ZMAT4: variants seen among roughly 807,000 people sequenced by gnomAD.
ZMAT4 encodes zinc finger matrin-type protein 4.
A neutral mutation model predicts 28.7 loss-of-function variants in ZMAT4; 17 were observed. The ratio of observed to expected loss-of-function variants is 0.59; its 90% CI spans 0.41 to 0.89. The LOEUF is 0.89. Among genes scored for constraint, ZMAT4 ranks in the 40% least tolerant of loss-of-function variants. The pLI is 0.00. For synonymous variants in ZMAT4, 117 were observed against 109.2 expected (o/e 1.07, Z -0.44); for missense variants, 240 against 283.8 (o/e 0.85, Z 1.11).
At chr8:40,685,575 A>G (rs1809365595) in intron 4 of ZMAT4, among the ~76,000 whole-genome samples, 1 of 152,120 alleles carries the variant, frequency 6.6e-6, no homozygotes, top group Non-Finnish European at 1.5e-5. Context: ...AAGGGAGCAC[A>G]TGAGACAAAA....
intron 2 of ZMAT4, chr8:40,808,420 A>G: frequency 2.8e-6 from 1 of 356,442 alleles, no homozygotes; most frequent in Non-Finnish European, 5.5e-6. Flanking sequence ...TTGGCTTTTT[A>G]TTACAGGATA....
intron 3 of ZMAT4, among the ~76,000 whole-genome samples, chr8:40,747,305 A>G (rs945096856): frequency 6.6e-6 from 1 of 152,198 alleles, no homozygotes; most frequent in Non-Finnish European, 1.5e-5. Flanking sequence ...GAAATAATGC[A>G]GGGAAGTTAC....
chr8:40,642,741 G>A (rs1447553857), intron 5 of ZMAT4, among the ~76,000 whole-genome samples: 3 of 152,340 alleles, frequency 2.0e-5, no homozygotes, highest in Non-Finnish European at 4.4e-5. Flanking sequence ...TGGAGGGAAT[G>A]TGTACAATAT....
intron 2 of ZMAT4, among the ~76,000 whole-genome samples, chr8:40,798,408 C>T (rs543870361): frequency 3.0e-4 from 46 of 152,194 alleles, no homozygotes; most frequent in Non-Finnish European, 6.2e-4. Flanking sequence ...CCACAGCAGG[C>T]AGGACATCTT....
intron 5 of ZMAT4, among the ~76,000 whole-genome samples, chr8:40,612,955 G>A (rs1285762711): frequency 4.0e-5 from 6 of 151,898 alleles, no homozygotes; most frequent in Admixed American, 3.9e-4. Flanking sequence ...TGGGATTACA[G>A]GTGCCCGCCA....
At chr8:40,706,244 C>T (rs1046481685) in intron 3 of ZMAT4, among the ~76,000 whole-genome samples, 22 of 152,008 alleles carry the variant, frequency 1.4e-4, no homozygotes, top group African/African-American at 5.1e-4. Context: ...TTAGTAGAGA[C>T]GGGGTTTCAC....
At chr8:40,766,669 G>T (rs1416088512) in intron 3 of ZMAT4, among the ~76,000 whole-genome samples, 1 of 152,188 alleles carries the variant, frequency 6.6e-6, no homozygotes, top group South Asian at 2.1e-4. Flanking sequence ...ACACCAAGAG[G>T]CATGCTTAGA....
intron 3 of ZMAT4, among the ~76,000 whole-genome samples, chr8:40,722,628 T>C (rs1430819663): frequency 6.6e-6 from 1 of 152,198 alleles, no homozygotes; most frequent in Non-Finnish European, 1.5e-5. Context: ...CTGCTCTTTT[T>C]TCTTTGATGC....
intron 4 of ZMAT4, among the ~76,000 whole-genome samples, chr8:40,677,888 A>T (rs1808978197): frequency 6.6e-6 from 1 of 152,204 alleles, no homozygotes; most frequent in South Asian, 2.1e-4. Flanking sequence ...TGCCCTTTAT[A>T]TAGATTCAAC....
intron 2 of ZMAT4, among the ~76,000 whole-genome samples, chr8:40,778,270 A>C (rs1221471219): frequency 6.6e-6 from 1 of 152,228 alleles, no homozygotes; most frequent in Non-Finnish European, 1.5e-5. Flanking sequence ...TATCCACATT[A>C]TTTTCAAAAA....
intron 5 of ZMAT4, among the ~76,000 whole-genome samples, chr8:40,602,041 A>G (rs376775562): frequency 3.3e-5 from 5 of 152,108 alleles, no homozygotes; most frequent in African/African-American, 1.2e-4. Context: ...TGAGTCTCCA[A>G]AGTACATTGT....
chr8:40,628,551 G>T (rs1806458708), intron 5 of ZMAT4, among the ~76,000 whole-genome samples: 1 of 152,144 alleles, frequency 6.6e-6, no homozygotes, highest in South Asian at 2.1e-4. Flanking sequence ...AAGACCACAT[G>T]GAGAATGGCT....
chr8:40,787,138 C>T (rs1439500312), intron 2 of ZMAT4, among the ~76,000 whole-genome samples: 2 of 152,102 alleles, frequency 1.3e-5, no homozygotes, highest in Non-Finnish European at 2.9e-5. Context: ...CTTTGAAATG[C>T]CATCCCAAAT....
intron 1 of ZMAT4, chr8:40,888,539 T>A (rs1361753514): frequency 6.6e-6 from 1 of 152,264 alleles, no homozygotes; most frequent in African/African-American, 2.4e-5. Context: ...CTGTGAACGG[T>A]CCAAAGGCAT....
chr8:40,816,646 T>C (rs1252156823), intron 2 of ZMAT4, among the ~76,000 whole-genome samples: 1 of 152,144 alleles, frequency 6.6e-6, no homozygotes, highest in Non-Finnish European at 1.5e-5. Context: ...CTTACAGTTG[T>C]AGGAAAACCA....
chr8:40,645,567 A>G (rs1213000156), intron 5 of ZMAT4, among the ~76,000 whole-genome samples: 1 of 152,184 alleles, frequency 6.6e-6, no homozygotes, highest in African/African-American at 2.4e-5. Context: ...GTCCAGCCAT[A>G]TTGTTGCCTG....
chr8:40,594,905 G>A (rs759729114), intron 5 of ZMAT4, among the ~76,000 whole-genome samples: 5 of 152,000 alleles, frequency 3.3e-5, no homozygotes, highest in African/African-American at 7.3e-5. Flanking sequence ...TCGAGTCTTC[G>A]TTCTTAAACA....
intron 5 of ZMAT4, among the ~76,000 whole-genome samples, chr8:40,650,785 T>A (rs1449802728): frequency 6.7e-6 from 1 of 148,982 alleles, no homozygotes; most frequent in African/African-American, 2.5e-5. Flanking sequence ...CACAAATCAA[T>A]AAATGTAATC....
chr8:40,763,874 T>A (rs1451596012), intron 3 of ZMAT4, among the ~76,000 whole-genome samples: 1 of 152,274 alleles, frequency 6.6e-6, no homozygotes, highest in Middle Eastern at 3.4e-3. Context: ...CAAGCTTCTC[T>A]ATGTTTAGAG....
Sources: gnomAD v4.1 joint callset for allele counts (sites outside exome capture counted in the v4.1 genomes callset) on GRCh38, gnomAD v4.1.1 for gene constraint, MANE v1.5 for transcripts, NCBI Gene and HGNC (gene_info 2026-07-23, HGNC 2026-07-21) for gene names.